ITGA6: variants seen among roughly 807,000 people sequenced by gnomAD.
ITGA6 encodes integrin subunit alpha 6.
In ITGA6, 63 loss-of-function variants were observed where a neutral mutation model predicts 133.6. The observed-to-expected ratio is 0.47, with a 90% CI of 0.38 to 0.58. The LOEUF (loss-of-function observed/expected upper bound fraction) is 0.58, where lower values mean the gene tolerates loss of function less well. ITGA6 is among the 20% of genes least tolerant of loss of function. The pLI, the probability that ITGA6 is intolerant of heterozygous loss-of-function variation, is 0.00. For synonymous variants in ITGA6, 434 were observed against 482.0 expected, an observed-to-expected ratio of 0.90 and a Z score of 1.30; for missense variants, 1,068 against 1,309.4, an observed-to-expected ratio of 0.82 and a Z score of 2.85.
chr2:172,428,091 C>T (rs1683937486), intron 1 of ITGA6, 121 bp downstream of exon 1: 4 of 965,356 alleles, frequency 4.1e-6, no homozygotes, highest in Admixed American at 9.1e-5. Flanking sequence ...GCGCCCGGGC[C>T]GGCCGAGGCG....
chr2:172,481,368 G>A (rs913590834), intron 11 of ITGA6, among the ~76,000 whole-genome samples: 2 of 152,276 alleles, frequency 1.3e-5, no homozygotes, highest in South Asian at 2.1e-4. Context: ...CCTCTCACAC[G>A]TCACAGCTCT....
chr2:172,437,599 C>T (rs1559113753), intron 1 of ITGA6, among the ~76,000 whole-genome samples: 3 of 151,884 alleles, frequency 2.0e-5, no homozygotes. Flanking sequence ...GTCTAGACAG[C>T]CAAGTGAGTT....
intron 19 of ITGA6, 114 bp downstream of exon 19, chr2:172,488,342 C>A (rs1249554117): frequency 1.3e-6 from 1 of 780,620 alleles, no homozygotes; most frequent in Non-Finnish European, 2.2e-6. Flanking sequence ...GTAAGTAAAT[C>A]ATGAGTTAAA....
Position 172,427,648 on chromosome 2 carries a change from C to T in ITGA6, c.-141C>T. ...GGGAGCGGCCGGACGGAGAGCGCGA[C>T]CCGTCCCGGGGGTGGGGCCGGGCGC... On this transcript the variant is annotated 5_prime_UTR_variant, in exon 1 of 26. Coordinates refer to ENST00000684293, the MANE Select transcript of ITGA6 (RefSeq NM_000210.4). The T allele has an allele frequency of 7.7e-7, 1 of 1,301,796 alleles. No homozygotes were observed. The highest frequency in any genetic ancestry group is 9.7e-7 in the Non-Finnish European group (1 of 1,027,816). The allele number at this position is 1,301,796 out of a possible 1,614,324, so 80.6% of individuals were successfully genotyped here.
intron 25 of ITGA6, among the ~76,000 whole-genome samples, chr2:172,503,232 A>G (rs1303683909): frequency 6.6e-6 from 1 of 152,150 alleles, no homozygotes; most frequent in Non-Finnish European, 1.5e-5. Flanking sequence ...AAAAGTAAAT[A>G]TATTTCATTT....
intron 23 of ITGA6, among the ~76,000 whole-genome samples, chr2:172,495,014 T>C (rs1417472782): frequency 1.3e-5 from 2 of 152,232 alleles, no homozygotes; most frequent in Non-Finnish European, 2.9e-5. Flanking sequence ...TGGCCTGTTA[T>C]ATGATAAACA....
At chr2:172,498,724 G>A (rs750694088) in intron 24 of ITGA6, among the ~76,000 whole-genome samples, 6 of 152,252 alleles carry the variant, frequency 3.9e-5, no homozygotes, top group African/African-American at 9.6e-5. Flanking sequence ...GAAAAACTGC[G>A]TATGAGATGG....
rs1317494787 is a variant in ITGA6 at position 172,476,472 on chromosome 2, T to A, written c.1347T>A (p.Asp449Glu). Reference sequence around the variant, plus strand: ...ACCTTGATCGAAATTCCTACCCTGATGTTGCTGTTGGTTCCCTCTCAGATT... The same window carrying A: ...ACCTTGATCGAAATTCCTACCCTGAAGTTGCTGTTGGTTCCCTCTCAGATT... Reference protein sequence around the residue: ...NMDLDRNSYPDVAVGSLSDSV... With the variant: ...NMDLDRNSYPEVAVGSLSDSV... The change falls in exon 9 of 26, where the codon GAT becomes GAA. Residue 449 changes from aspartate (D) to glutamate (E), a missense_variant. Coordinates refer to ENST00000684293, the MANE Select transcript of ITGA6 (RefSeq NM_000210.4). The A allele has an allele frequency of 3.1e-6, 5 of 1,611,298 alleles. No homozygotes were observed. Among genetic ancestry groups the A allele is most frequent in the Non-Finnish European group, 4.2e-6 (5 of 1,177,630 alleles).
rs115211921 is a variant in ITGA6 at position 172,439,343 on chromosome 2, A to G, written c.182+11373A>G. Among the ~76,000 whole-genome samples, 280 of 152,022 alleles carry G rather than the reference A, an allele frequency of 1.8e-3. 1 individual carries two copies. Among genetic ancestry groups the G allele is most frequent in the Non-Finnish European group, 3.0e-3 (202 of 67,976 alleles). On this transcript the variant is annotated intron_variant, in intron 1 of 25. Transcript: ENST00000684293. ...TCAGGAGTGTAGAAAATGAGGCTCA[A>G]TCAGCACTTTGGGTTCTAAAATACT...
Position 172,487,372 on chromosome 2 carries a change from T to A in ITGA6, c.2079T>A (p.Asp693Glu). The A allele has an allele frequency of 6.2e-7, 1 of 1,614,162 alleles. No individual in the cohort carries two copies. The highest frequency in any genetic ancestry group is 2.2e-5 in the East Asian group (1 of 44,890). The change falls in exon 15 of 26, where the codon GAT (aspartate) becomes GAA (glutamate). Residue 693 changes from aspartate to glutamate, a missense_variant. Asp to Glu is a conservative substitution (Grantham distance 45). Transcript: ENST00000684293. ...SNPRNPTKDG[D>E]DAHEAKLIAT... ...CAAGGAATCCCACAAAAGATGGCGA[T>A]GACGCCCATGAGGCTAAACTGATTG...
chr2:172,450,760 G>A (rs1042775539), intron 1 of ITGA6, among the ~76,000 whole-genome samples: 29 of 150,448 alleles, frequency 1.9e-4, no homozygotes, highest in East Asian at 5.9e-4. Flanking sequence ...TTTGAGACCA[G>A]CCTGGCCAAC....
chr2:172,501,968 G>A (rs1687365547), intron 25 of ITGA6, 67 bp downstream of exon 25: 2 of 1,402,866 alleles, frequency 1.4e-6, no homozygotes, highest in Non-Finnish European at 2.0e-6. Context: ...CTAACTTTAA[G>A]AACAACAGCT....
At position 172,458,520 on chromosome 2, in the gene ITGA6, C is replaced by T. The variant is rs1559128317; in HGVS notation, c.183-7019C>T. Among the ~76,000 whole-genome samples the T allele has an allele frequency of 2.0e-5, 3 of 152,164 alleles. 1 individual carries two copies. Among genetic ancestry groups the T allele is most frequent in the Admixed American group, 2.0e-4 (3 of 15,274 alleles). On this transcript the variant is annotated intron_variant, in intron 1 of 25. Transcript: ENST00000684293. ...CTGGGACCCCAAGAATTAAGCTGTC[C>T]TCATTCTGGCATTTGAAGAGTGGTT...
intron 14 of ITGA6, 50 bp downstream of exon 14, chr2:172,487,188 G>C (rs1361025024): frequency 6.6e-7 from 1 of 1,518,122 alleles, no homozygotes. Context: ...CTTCATGGTG[G>C]CTTTGTGTTA....
intron 1 of ITGA6, among the ~76,000 whole-genome samples, chr2:172,462,423 G>A (rs1009591187): frequency 2.0e-5 from 3 of 152,196 alleles, no homozygotes; most frequent in African/African-American, 4.8e-5. Context: ...TTCTCTTGTC[G>A]TTTGCAGGTC....
Position 172,476,320 on chromosome 2 carries a change from G to A in ITGA6, c.1270-75G>A, listed in dbSNP as rs538495516. On this transcript the variant is annotated intron_variant, in intron 8 of 25. Coordinates refer to ENST00000684293, the MANE Select transcript of ITGA6 (RefSeq NM_000210.4). Reference sequence around the variant, plus strand: ...AAATTTCAGTTCAAAAGAAACTTGTGTGTCTTTTTCAAAGCATTGTTAAGA... The same window carrying A: ...AAATTTCAGTTCAAAAGAAACTTGTATGTCTTTTTCAAAGCATTGTTAAGA... The A allele has an allele frequency of 1.0e-3, 843 of 839,500 alleles. 2 individuals carry two copies. Among genetic ancestry groups the A allele is most frequent in the Non-Finnish European group, 1.0e-3 (476 of 473,044 alleles). 52.0% of individuals were successfully genotyped at this position (839,500 alleles called of 1,614,324 possible).
Position 172,474,382 on chromosome 2 carries a change from C to T in ITGA6, c.986+117C>T, listed in dbSNP as rs186211916. On this transcript the variant is annotated intron_variant, in intron 6 of 25. Coordinates refer to ENST00000684293, the MANE Select transcript of ITGA6 (RefSeq NM_000210.4). ...TTGACGTAAAGAATATTTTTATTGC[C>T]GCATTTTTACCAGCCTATCTTTATC... The T allele has an allele frequency of 6.8e-5, 59 of 869,640 alleles. No homozygotes were observed. In the Middle Eastern group the frequency reaches 2.6e-3, roughly 39 times the overall value. The allele number at this position is 869,640 out of a possible 1,614,324, so 53.9% of individuals were successfully genotyped here.
intron 23 of ITGA6, chr2:172,495,462 G>C (rs1687088360): frequency 6.6e-6 from 1 of 152,196 alleles, no homozygotes; most frequent in Non-Finnish European, 1.5e-5. Context: ...TCCATCTTTG[G>C]TCACCTGGCT....
At chr2:172,463,808 A>G (rs1471768942) in intron 1 of ITGA6, among the ~76,000 whole-genome samples, 1 of 152,122 alleles carries the variant, frequency 6.6e-6, no homozygotes, top group Admixed American at 6.5e-5. Context: ...TCTGCCAAGT[A>G]CAGTAATTTA....
Sources: allele counts gnomAD v4.1 joint callset (sites outside exome capture counted in the v4.1 genomes callset), GRCh38; gene constraint gnomAD v4.1.1; transcripts MANE v1.5; gene names NCBI Gene and HGNC (gene_info 2026-07-23, HGNC 2026-07-21).